STYXL2: variants seen among roughly 807,000 people sequenced by gnomAD.
STYXL2 encodes the protein serine/threonine/tyrosine-interacting-like protein 2.
STYXL2 carries 44 observed loss-of-function variants against 52.4 expected under a neutral mutation model. The observed-to-expected ratio is 0.84, with a 90% CI of 0.66 to 1.08. The LOEUF is 1.08. STYXL2 is among the 50% of genes least tolerant of loss of function. The pLI, the probability that STYXL2 is intolerant of heterozygous loss-of-function variation, is 0.00. For synonymous variants in STYXL2, 604 were observed against 586.9 expected (o/e 1.03, Z -0.42); for missense variants, 1,604 against 1,471.7 (o/e 1.09, Z -1.47).
chr1:167,119,544 T>G lies in STYXL2; in HGVS notation c.655+78T>G. 3 of 1,287,380 alleles carry G rather than the reference T, an allele frequency of 2.3e-6. No individual in the cohort carries two copies. In the South Asian group the frequency reaches 3.8e-5, roughly 16 times the overall value. 79.7% of individuals were successfully genotyped at this position (1,287,380 alleles called of 1,614,324 possible). ...TGTGGGGAATGTTATGAAAACCTGA[T>G]TAGTTGGCGTGTGTGAGGGGTATCT... On this transcript the variant is annotated intron_variant, in intron 5 of 5. Coordinates refer to ENST00000361200, the MANE Select transcript of STYXL2 (RefSeq NM_001080426.3).
chr1:167,118,819 T>C (rs1338521650), intron 4 of STYXL2, among the ~76,000 whole-genome samples: 2 of 152,232 alleles, frequency 1.3e-5, no homozygotes, highest in African/African-American at 4.8e-5. Context: ...AAGTTTATTG[T>C]TAGGATAACA....
At position 167,128,272 on chromosome 1, in the gene STYXL2, G is replaced by A. The variant is rs967099354; in HGVS notation, c.3141G>A (p.Glu1047=). The A allele has an allele frequency of 8.7e-6, 14 of 1,614,156 alleles. No homozygotes were observed. Among genetic ancestry groups the A allele is most frequent in the Non-Finnish European group, 1.1e-5 (13 of 1,180,028 alleles). The part of the protein sequence containing the change: ...PEPYFFRRTP[E]SSEREESPEP... Reference sequence around the variant, plus strand: ...CCTACTTCTTCCGCCGGACCCCAGAGTCCTCAGAAAGGGAAGAGTCCCCAG... The same window carrying A: ...CCTACTTCTTCCGCCGGACCCCAGAATCCTCAGAAAGGGAAGAGTCCCCAG... Residue 1047 remains glutamate, a synonymous_variant, in exon 6 of 6, where the codon GAG becomes GAA. Coordinates refer to ENST00000361200, the MANE Select transcript of STYXL2 (RefSeq NM_001080426.3).
At position 167,128,306 on chromosome 1, in the gene STYXL2, C is replaced by A. The variant is rs147410196; in HGVS notation, c.3175C>A (p.Arg1059Ser). The change falls in exon 6 of 6, where the codon CGC becomes AGC. Residue 1059 changes from arginine to serine, a missense_variant. Transcript: ENST00000361200. Reference sequence around the variant, plus strand: ...AAGGGAAGAGTCCCCAGAACCACAGCGCCCAAATTGGGCCAGGTCCAGGGA... The same window carrying A: ...AAGGGAAGAGTCCCCAGAACCACAGAGCCCAAATTGGGCCAGGTCCAGGGA... ...SEREESPEPQ[R>S]PNWARSRDWE... 6.2e-7 allele frequency: 1 copy of A among 1,613,878 alleles called. No individual in the cohort carries two copies. The highest frequency in any genetic ancestry group is 2.2e-5 in the East Asian group (1 of 44,872).
Position 167,128,727 on chromosome 1 carries a change from A to G in STYXL2, c.*119A>G. Reference sequence around the variant, plus strand: ...CAGAGAGGATCTTCCAGAGGGGCAGAGCCAAAATGAGAGGTACCAAGCATA... The same window carrying G: ...CAGAGAGGATCTTCCAGAGGGGCAGGGCCAAAATGAGAGGTACCAAGCATA... On this transcript the variant is annotated 3_prime_UTR_variant, in exon 6 of 6. Coordinates refer to ENST00000361200, the MANE Select transcript of STYXL2 (RefSeq NM_001080426.3). 2 of 1,431,872 alleles carry G rather than the reference A, an allele frequency of 1.4e-6. No individual in the cohort carries two copies. Among genetic ancestry groups the G allele is most frequent in the Non-Finnish European group, 1.8e-6 (2 of 1,095,836 alleles). The allele number at this position is 1,431,872 out of a possible 1,614,324, so 88.7% of individuals were successfully genotyped here.
chr1:167,112,987 T>C (rs543480279), intron 2 of STYXL2, among the ~76,000 whole-genome samples: 11 of 152,272 alleles, frequency 7.2e-5, no homozygotes, highest in Non-Finnish European at 1.3e-4. Flanking sequence ...CCCACCGCCA[T>C]AGTGCAGTCC....
intron 2 of STYXL2, among the ~76,000 whole-genome samples, chr1:167,111,092 A>G (rs1571337976): frequency 6.6e-6 from 1 of 152,316 alleles, no homozygotes; most frequent in East Asian, 1.9e-4. Context: ...AAAGCCTCCA[A>G]GAAATTTAGA....
intron 2 of STYXL2, among the ~76,000 whole-genome samples, chr1:167,110,962 G>A (rs554537079): frequency 9.2e-5 from 14 of 152,308 alleles, no homozygotes; most frequent in African/African-American, 3.4e-4. Context: ...GAATAAACCT[G>A]TTTGGCCATT....
chr1:167,117,340 C>T lies in STYXL2; in HGVS notation c.218C>T (p.Pro73Leu), dbSNP rs771502951. ...CTGTCTCCTCTAGAACTCAAGCCAC[C>T]GGGGGTCAGAGCAGACGCAGAGTGT... is the stretch of plus-strand genomic sequence containing the variant. ...KQIINEELKP[P>L]GVRADAECPG... The change falls in exon 4 of 6, where the codon CCG (proline) becomes CTG (leucine). Residue 73 changes from proline (P) to leucine (L), a missense_variant. By Grantham distance (98) the Pro-to-Leu change is moderately conservative (BLOSUM62 -3). Coordinates refer to ENST00000361200, the MANE Select transcript of STYXL2 (RefSeq NM_001080426.3). The T allele has an allele frequency of 3.2e-5, 51 of 1,607,862 alleles. No homozygotes were observed. Among genetic ancestry groups the T allele is most frequent in the East Asian group, 2.9e-4 (13 of 44,540 alleles).
intron 5 of STYXL2, among the ~76,000 whole-genome samples, chr1:167,124,234 A>G (rs1414591113): frequency 6.6e-6 from 1 of 151,768 alleles, no homozygotes; most frequent in Non-Finnish European, 1.5e-5. Context: ...CTGCTGATTT[A>G]CCTCCCTCTA....
intron 5 of STYXL2, among the ~76,000 whole-genome samples, chr1:167,121,658 T>G (rs1411560145): frequency 6.6e-6 from 1 of 152,240 alleles, no homozygotes; most frequent in Non-Finnish European, 1.5e-5. Flanking sequence ...GGAAGTTTCC[T>G]GTCGCGGGTG....
In STYXL2 at chr1:167,127,134, C is replaced by A. The variant is rs1260210617; in HGVS notation, c.2003C>A (p.Ser668Ter). Reference sequence around the variant, plus strand: ...TCTGCGTTCTGGTCTGCAGACCCCTCAGTCAGCGCTGATGGGGACACGACG... The same window carrying A: ...TCTGCGTTCTGGTCTGCAGACCCCTAAGTCAGCGCTGATGGGGACACGACG... ...PLSAFWSADP[S>*]VSADGDTTSV... is the part of the protein sequence containing the mutation. The change falls in exon 6 of 6, where the codon TCA becomes TAA. Residue 668 changes from serine (S) to a stop codon, truncating the protein, a stop_gained. Transcript: ENST00000361200. LOFTEE classifies it low-confidence loss of function (END_TRUNC). 12 of 1,614,070 alleles carry A rather than the reference C, an allele frequency of 7.4e-6. No homozygotes were observed. Among genetic ancestry groups the A allele is most frequent in the Non-Finnish European group, 1.0e-5 (12 of 1,179,970 alleles).
At chr1:167,102,681 A>G (rs1329020528) in intron 2 of STYXL2, among the ~76,000 whole-genome samples, 2 of 152,216 alleles carry the variant, frequency 1.3e-5, no homozygotes, top group African/African-American at 2.4e-5. Context: ...TAATTCTGCC[A>G]TGAGCAAATC....
chr1:167,122,384 A>G (rs898589300), intron 5 of STYXL2, among the ~76,000 whole-genome samples: 4 of 152,026 alleles, frequency 2.6e-5, no homozygotes, highest in African/African-American at 9.7e-5. Context: ...TAAACTAGCT[A>G]ATTTCCTGCC....
intron 2 of STYXL2, among the ~76,000 whole-genome samples, chr1:167,099,625 C>A (rs893531123): frequency 6.6e-6 from 1 of 152,208 alleles, no homozygotes; most frequent in Non-Finnish European, 1.5e-5. Flanking sequence ...CCAACAATAG[C>A]AAATATTAAT....
At chr1:167,118,358 GT>G (rs1667776071) in intron 4 of STYXL2, among the ~76,000 whole-genome samples, 1 of 152,174 alleles carries the variant, frequency 6.6e-6, no homozygotes, top group African/African-American at 2.4e-5. Context: ...TTTTCCCAGT[GT>G]AATTATCCAG....
intron 2 of STYXL2, among the ~76,000 whole-genome samples, 163 bp downstream of exon 2, chr1:167,095,122 A>T (rs1667256388): frequency 6.6e-6 from 1 of 151,262 alleles, no homozygotes; most frequent in South Asian, 2.1e-4. Flanking sequence ...GGAGGTAAAT[A>T]TGCAAATAGA....
chr1:167,115,899 C>T (rs963124802), intron 3 of STYXL2, among the ~76,000 whole-genome samples: 1 of 152,080 alleles, frequency 6.6e-6, no homozygotes, highest in Non-Finnish European at 1.5e-5. Flanking sequence ...AATCCTGAGC[C>T]CTAGGCAGAA....
rs376516108 is a variant in STYXL2, at chr1:167,125,759, A to T, written c.656-28A>T. ...ACTACAAGGAAGCCACTGTCATTAC[A>T]TCATTTTCTCTTGTGTTTTCATTTC... On this transcript the variant is annotated intron_variant, in intron 5 of 5. Transcript: ENST00000361200. 1.9e-6 allele frequency: 3 copies of T among 1,554,050 alleles called. No homozygotes were observed. The African/African-American group carries it at 4.1e-5, about 21-fold the overall frequency.
intron 2 of STYXL2, among the ~76,000 whole-genome samples, chr1:167,110,991 T>C (rs1667606339): frequency 6.6e-6 from 1 of 152,240 alleles, no homozygotes. Flanking sequence ...TTCTCTCCAT[T>C]GCTCTCTTGT....
Sources: gnomAD v4.1 joint callset for allele counts (sites outside exome capture counted in the v4.1 genomes callset) on GRCh38, gnomAD v4.1.1 for gene constraint, MANE v1.5 for transcripts, NCBI Gene and HGNC (gene_info 2026-07-23, HGNC 2026-07-21) for gene names.